The following PRPH2 variants were observed in gnomAD, a reference collection of about 807,000 sequenced individuals.
PRPH2 encodes peripherin 2.
Under a neutral mutation model 31.3 loss-of-function variants are expected in PRPH2, and 17 were observed. The ratio of observed to expected loss-of-function variants is 0.54; its 90% CI spans 0.37 to 0.81. The LOEUF (loss-of-function observed/expected upper bound fraction) is 0.81. Ranked by LOEUF, PRPH2 falls within the 40% of genes least tolerant of loss-of-function variation. The pLI is 0.00. For missense variants in PRPH2, 430 were observed against 439.7 expected (o/e 0.98, Z 0.20); for synonymous variants, 165 against 184.4 (o/e 0.89, Z 0.85).
At chr6:42,719,212 G>A (rs529347120) in intron 1 of PRPH2, among the ~76,000 whole-genome samples, 10 of 149,586 alleles carry the variant, frequency 6.7e-5, no homozygotes, top group South Asian at 2.1e-4. Context: ...ACTGTCTCCC[G>A]GGCTGGAGTA....
At chr6:42,708,003 T>C (rs1800198583) in intron 1 of PRPH2, among the ~76,000 whole-genome samples, 1 of 152,218 alleles carries the variant, frequency 6.6e-6, no homozygotes. Flanking sequence ...CATGAAGTGA[T>C]ACATGTAAGA....
At chr6:42,699,205 A>G (rs1182592387) in intron 2 of PRPH2, among the ~76,000 whole-genome samples, 4 of 151,914 alleles carry the variant, frequency 2.6e-5, no homozygotes, top group Admixed American at 1.3e-4. Context: ...GGTGCCTGCC[A>G]CCATACCTGA....
At chr6:42,711,329 C>G (rs1761636976) in intron 1 of PRPH2, among the ~76,000 whole-genome samples, 1 of 152,180 alleles carries the variant, frequency 6.6e-6, no homozygotes, top group Admixed American at 6.5e-5. Context: ...CTCAGGTATT[C>G]TGTTATAGCA....
At position 42,698,235 on chromosome 6, in the gene PRPH2, T is replaced by G. The variant is rs1167921550; in HGVS notation, c.*60A>C. 2 of 1,605,142 alleles carry G rather than the reference T, an allele frequency of 1.2e-6. No individual in the cohort carries two copies. Among genetic ancestry groups the G allele is most frequent in the Non-Finnish European group, 1.7e-6 (2 of 1,176,268 alleles). On this transcript the variant is annotated 3_prime_UTR_variant, in exon 3 of 3. Transcript: ENST00000230381. ...CTTTCGGAGTTGGATGAGGGGGAGA[T>G]CCACGTTTCTTGGAGTGCACTATTT...
chr6:42,704,732 TTGCTG>T (rs1800121577), intron 1 of PRPH2, 121 bp from the exon 2 acceptor site: 3 of 1,449,562 alleles, frequency 2.1e-6, no homozygotes, highest in Non-Finnish European at 2.9e-6. Flanking sequence ...TGGTATATAT[TTGCTG>T]TGCGCCCGCT....
At chr6:42,717,317 G>T (rs1454213557) in intron 1 of PRPH2, among the ~76,000 whole-genome samples, 2 of 151,854 alleles carry the variant, frequency 1.3e-5, no homozygotes, top group East Asian at 3.9e-4. Context: ...CTACTTGGGA[G>T]GCTGAGACAG....
chr6:42,715,273 T>A (rs1302317463), intron 1 of PRPH2, among the ~76,000 whole-genome samples: 1 of 152,102 alleles, frequency 6.6e-6, no homozygotes, highest in African/African-American at 2.4e-5. Flanking sequence ...GGAGGAGTTT[T>A]GTGCAGGATA....
intron 1 of PRPH2, among the ~76,000 whole-genome samples, chr6:42,713,919 C>CA (rs55805454): frequency 0.013 from 499 of 38,126 alleles, 49 homozygotes; most frequent in African/African-American, 0.019. Flanking sequence ...GACTCCATCT[C>CA]AAAAAAAAAA....
At chr6:42,716,964 T>TTC (rs1761798515) in intron 1 of PRPH2, among the ~76,000 whole-genome samples, 2 of 109,210 alleles carry the variant, frequency 1.8e-5, no homozygotes, top group African/African-American at 3.8e-5. Context: ...TTTCTTTTCT[T>TTC]TTTTTTTTTT....
Position 42,721,746 on chromosome 6 carries a change from C to T in PRPH2, c.581+8G>A. 1 of 1,614,078 alleles carries T rather than the reference C, an allele frequency of 6.2e-7. No homozygotes were observed. The highest frequency in any genetic ancestry group is 1.3e-5 in the African/African-American group (1 of 75,062). ...ATAGCTCTGACCCCAGGACTGGAAG[C>T]CACTCACTCTTTGACTTCTTTGGAG... On this transcript the variant is annotated splice_region_variant and intron_variant, in intron 1 of 2. Transcript: ENST00000230381.
intron 1 of PRPH2, among the ~76,000 whole-genome samples, chr6:42,716,025 A>G (rs1003259665): frequency 2.6e-5 from 4 of 152,188 alleles, no homozygotes; most frequent in South Asian, 2.1e-4. Context: ...CACAGAATGG[A>G]AAGTTATTCC....
At chr6:42,713,161 G>C (rs574419606) in intron 1 of PRPH2, among the ~76,000 whole-genome samples, 5 of 151,716 alleles carry the variant, frequency 3.3e-5, no homozygotes, top group African/African-American at 1.2e-4. Context: ...GGAGACAGAG[G>C]TTGCAGTGAG....
At chr6:42,717,319 C>T (rs1235978983) in intron 1 of PRPH2, among the ~76,000 whole-genome samples, 1 of 151,726 alleles carries the variant, frequency 6.6e-6, no homozygotes, top group Admixed American at 6.6e-5. Context: ...ACTTGGGAGG[C>T]TGAGACAGGA....
Position 42,722,379 on chromosome 6 carries a change from AC to A in PRPH2, c.-46del. ...GGTTGCTTCCCACAGCACAGCTCCC[AC>A]CCCAAACCTTAACGAGCCCAGAGGC... is the stretch of plus-strand genomic sequence containing the variant. On this transcript the variant is annotated 5_prime_UTR_variant, in exon 1 of 3. Transcript: ENST00000230381. The surrounding 1 kb of genome is among the most constrained non-coding windows in gnomAD (Gnocchi z 4.4). The A allele has an allele frequency of 6.2e-7, 1 of 1,609,034 alleles. No individual in the cohort carries two copies.
At chr6:42,712,043 T>C (rs1761667589) in intron 1 of PRPH2, 1 of 882,978 alleles carries the variant, frequency 1.1e-6, no homozygotes, top group African/African-American at 1.8e-5. Flanking sequence ...TTGCCACAAC[T>C]GAGCCTGATC....
intron 1 of PRPH2, among the ~76,000 whole-genome samples, chr6:42,705,602 ATATATATATATATAT>A (rs1800147852): frequency 5.9e-4 from 7 of 11,830 alleles, no homozygotes; most frequent in Non-Finnish European, 9.2e-4. Context: ...AAAAAAAAAT[ATATATATATATATAT>A]ATATATATAT....
In PRPH2 at chr6:42,697,076, TGTTC is replaced by T. The variant is rs1318828309; in HGVS notation, c.*1215_*1218del. 1 of 152,096 alleles carries T rather than the reference TGTTC, an allele frequency of 6.6e-6. No homozygotes were observed. The highest frequency in any genetic ancestry group is 1.5e-5 in the Non-Finnish European group (1 of 68,006). 9.4% of individuals were successfully genotyped at this position (152,096 alleles called of 1,614,324 possible). On this transcript the variant is annotated 3_prime_UTR_variant, in exon 3 of 3. Coordinates refer to ENST00000230381, the MANE Select transcript of PRPH2 (RefSeq NM_000322.5). ...CCAGGTAGGAACGAGCTCTCTTGAA[TGTTC>T]ATCCAACTGGAGGAATTATGCTGGG...
Position 42,698,368 on chromosome 6 carries a change from A to G in PRPH2, c.968T>C (p.Val323Ala). Residue 323 changes from valine to alanine, a missense_variant, in exon 3 of 3, where the codon GTG becomes GCG. By Grantham distance (64) the Val-to-Ala change is moderately conservative (BLOSUM62 0). Coordinates refer to ENST00000230381, the MANE Select transcript of PRPH2 (RefSeq NM_000322.5). ...CTGGTTGCCCTTGCCCAGCTTCTTC[A>G]CACTCTCCAGAAAGGCCTTCCAGGT... is the stretch of plus-strand genomic sequence containing the variant. ...PETWKAFLES[V>A]KKLGKGNQVE... The G allele has an allele frequency of 6.2e-7, 1 of 1,613,694 alleles. No individual in the cohort carries two copies. The highest frequency in any genetic ancestry group is 1.7e-5 in the Admixed American group (1 of 60,002).
chr6:42,702,857 A>G (rs111277154), intron 2 of PRPH2, among the ~76,000 whole-genome samples: 2 of 151,496 alleles, frequency 1.3e-5, no homozygotes, highest in Non-Finnish European at 2.9e-5. Context: ...GTGACAGAGC[A>G]AGACTTCATC....
Sources: allele counts gnomAD v4.1 joint callset (sites outside exome capture counted in the v4.1 genomes callset), GRCh38; gene constraint gnomAD v4.1.1; non-coding constraint Gnocchi (gnomAD v3.1); transcripts MANE v1.5; gene names NCBI Gene and HGNC (gene_info 2026-07-23, HGNC 2026-07-21).